LRRC36: variants seen among roughly 807,000 people sequenced by gnomAD.
The protein encoded by LRRC36 is leucine-rich repeat-containing protein 36.
In LRRC36, 62 loss-of-function variants were observed where a neutral mutation model predicts 81.1. The ratio of observed to expected loss-of-function variants is 0.76; its 90% confidence interval spans 0.62 to 0.94. The LOEUF (loss-of-function observed/expected upper bound fraction) is 0.94. Ranked by LOEUF, LRRC36 falls within the 40% of genes least tolerant of loss-of-function variation. The probability of loss-of-function intolerance (pLI) is 0.00; values close to 1 mark genes in which losing one functional copy is unlikely to be tolerated. For synonymous variants in LRRC36, 334 were observed against 348.6 expected (o/e 0.96, Z 0.47); for missense variants, 761 against 881.7 (o/e 0.86, Z 1.73).
chr16:67,371,939 T>A (rs899529512), intron 9 of LRRC36: 4 of 152,532 alleles, frequency 2.6e-5, no homozygotes, highest in Non-Finnish European at 4.4e-5. Flanking sequence ...GGATTTAAAA[T>A]TTTTTTCCAA....
chr16:67,345,572 C>T (rs949608147), intron 2 of LRRC36, among the ~76,000 whole-genome samples: 1 of 152,022 alleles, frequency 6.6e-6, no homozygotes, highest in African/African-American at 2.4e-5. Context: ...AACATTTCTG[C>T]AAAGGAGAAC....
At chr16:67,367,833 A>T (rs868399955) in intron 8 of LRRC36, among the ~76,000 whole-genome samples, 12 of 152,134 alleles carry the variant, frequency 7.9e-5, no homozygotes, top group African/African-American at 2.7e-4. Flanking sequence ...CGGGTGGATC[A>T]CGAGGTCAGG....
chr16:67,329,963 A>G (rs919330593), intron 1 of LRRC36, among the ~76,000 whole-genome samples: 5 of 152,090 alleles, frequency 3.3e-5, no homozygotes, highest in Non-Finnish European at 7.4e-5. Flanking sequence ...ATATATTGCA[A>G]TTGGTTGATG....
intron 13 of LRRC36, among the ~76,000 whole-genome samples, chr16:67,383,949 A>G (rs1052064806): frequency 6.6e-6 from 1 of 152,226 alleles, no homozygotes; most frequent in African/African-American, 2.4e-5. Flanking sequence ...ATAGTGGTGT[A>G]TAGAGTTAGT....
chr16:67,366,747 C>T (rs2039412686), intron 7 of LRRC36, among the ~76,000 whole-genome samples: 1 of 136,408 alleles, frequency 7.3e-6, no homozygotes, highest in Non-Finnish European at 1.5e-5. Flanking sequence ...GAGACCCTGT[C>T]TCAAAAAAAA....
At chr16:67,382,353 C>G (rs149333291) in intron 13 of LRRC36, 106 bp downstream of exon 13, 126 of 735,176 alleles carry the variant, frequency 1.7e-4, no homozygotes, top group Non-Finnish European at 2.5e-4. Context: ...CAAGTGAACT[C>G]CATTCTGTGT....
intron 12 of LRRC36, among the ~76,000 whole-genome samples, chr16:67,380,700 T>G (rs1434947895): frequency 6.6e-6 from 1 of 152,218 alleles, no homozygotes; most frequent in Non-Finnish European, 1.5e-5. Context: ...AGTAGGTATT[T>G]GTCCACTAGA....
intron 5 of LRRC36, among the ~76,000 whole-genome samples, chr16:67,355,680 G>A (rs2038873267): frequency 6.6e-6 from 1 of 151,948 alleles, no homozygotes; most frequent in Non-Finnish European, 1.5e-5. Flanking sequence ...GGTCTTTTAA[G>A]ATGTCTTTTT....
intron 4 of LRRC36, among the ~76,000 whole-genome samples, chr16:67,348,048 C>T (rs1331094562): frequency 6.6e-6 from 1 of 152,140 alleles, no homozygotes; most frequent in Admixed American, 6.6e-5. Context: ...CATTGAGGCT[C>T]TAAAATTTCT....
chr16:67,351,455 T>C (rs13334882), intron 5 of LRRC36, among the ~76,000 whole-genome samples: 33,263 of 152,006 alleles, frequency 0.22, 7,318 homozygotes, highest in African/African-American at 0.57. Context: ...ACCTGTAATC[T>C]CAGCACTTTG....
At position 67,357,511 on chromosome 16, in the gene LRRC36, T is replaced by A. The variant is rs139646968; in HGVS notation, c.578-6079T>A. On this transcript the variant is annotated intron_variant, in intron 5 of 13. Transcript: ENST00000329956. ...CAATATGTTTATTTGAGATTAACAC[T>A]GAGAGGAAGGGGAGGAAAGAGGGTT... is the stretch of plus-strand genomic sequence containing the variant. 1.3e-3 allele frequency among the ~76,000 whole-genome samples: 204 copies of A among 152,338 alleles called. 4 individuals carry two copies. The Middle Eastern group carries it at 0.044, about 33-fold the overall frequency.
rs2038032889 is a variant in LRRC36 at position 67,341,024 on chromosome 16, TACTCTAC to T, written c.71-931_71-925del. On this transcript the variant is annotated intron_variant, in intron 1 of 13. Coordinates refer to ENST00000329956, the MANE Select transcript of LRRC36 (RefSeq NM_018296.6). The stretch of plus-strand genomic sequence containing the variant: ...TAGAATATGTATTCTATAGAATATG[TACTCTAC>T]ATATTCTATAGAATATGTACTCTAC... Among the ~76,000 whole-genome samples the T allele has an allele frequency of 2.5e-5, 3 of 121,646 alleles. 1 individual carries two copies. Among genetic ancestry groups the T allele is most frequent in the African/African-American group, 9.9e-5 (3 of 30,210 alleles). 79.8% of individuals were successfully genotyped at this position (121,646 alleles called of 152,430 possible).
In LRRC36 at chr16:67,384,916, G is replaced by A; in HGVS notation, c.2092G>A (p.Glu698Lys). Residue 698 changes from glutamate (E) to lysine (K), a missense_variant, in exon 14 of 14, where the codon GAG (glutamate) becomes AAG (lysine). Transcript: ENST00000329956. Reference protein sequence around the residue: ...NEYLLQQLNKEPKGYSGKALL... With the variant: ...NEYLLQQLNKKPKGYSGKALL... Reference sequence around the variant, plus strand: ...GTATCTGCTGCAGCAGCTGAATAAGGAGCCAAAAGGTTATTCCGGGAAAGC... The same window carrying A: ...GTATCTGCTGCAGCAGCTGAATAAGAAGCCAAAAGGTTATTCCGGGAAAGC... 6.2e-7 allele frequency: 1 copy of A among 1,614,198 alleles called. No individual in the cohort carries two copies. Among genetic ancestry groups the A allele is most frequent in the Non-Finnish European group, 8.5e-7 (1 of 1,180,034 alleles).
At chr16:67,384,189 C>T (rs761400380) in intron 13 of LRRC36, among the ~76,000 whole-genome samples, 2 of 152,210 alleles carry the variant, frequency 1.3e-5, no homozygotes, top group South Asian at 4.1e-4. Context: ...GTAATCCACA[C>T]TTTGGGAGGC....
At chr16:67,329,659 T>G (rs1449115239) in intron 1 of LRRC36, among the ~76,000 whole-genome samples, 2 of 152,204 alleles carry the variant, frequency 1.3e-5, no homozygotes, top group Non-Finnish European at 2.9e-5. Flanking sequence ...GGCTCATGCC[T>G]GTAATCCCAG....
chr16:67,334,743 G>A (rs919841452), intron 1 of LRRC36, among the ~76,000 whole-genome samples: 8 of 152,074 alleles, frequency 5.3e-5, no homozygotes, highest in Non-Finnish European at 1.0e-4. Flanking sequence ...ATTCACCCCC[G>A]ATATTTCACG....
chr16:67,351,239 T>C (rs1315054181), intron 5 of LRRC36, among the ~76,000 whole-genome samples: 1 of 152,178 alleles, frequency 6.6e-6, no homozygotes, highest in Non-Finnish European at 1.5e-5. Flanking sequence ...TGGAAGAATC[T>C]AGTGAATTAT....
chr16:67,369,401 G>C (rs1220349844), intron 8 of LRRC36, among the ~76,000 whole-genome samples: 1 of 152,220 alleles, frequency 6.6e-6, no homozygotes, highest in Admixed American at 6.5e-5. Context: ...TCTCCTGATA[G>C]GGAGGGAGGG....
intron 5 of LRRC36, among the ~76,000 whole-genome samples, chr16:67,351,397 A>G (rs1047383694): frequency 6.6e-6 from 1 of 152,148 alleles, no homozygotes; most frequent in Non-Finnish European, 1.5e-5. Context: ...AATGATTTTT[A>G]GAGTATTTTG....
Sources: allele counts gnomAD v4.1 joint callset (sites outside exome capture counted in the v4.1 genomes callset), GRCh38; gene constraint gnomAD v4.1.1; transcripts MANE v1.5; gene names NCBI Gene and HGNC (gene_info 2026-07-23, HGNC 2026-07-21).